Variants in CRADD observed in about 807,000 individuals in gnomAD.
The protein encoded by CRADD is CARD and death domain containing adaptor protein.
In CRADD, 9 loss-of-function variants were observed where a neutral mutation model predicts 15.5. The observed-to-expected ratio is 0.58, with a 90% CI of 0.35 to 1.01. The LOEUF is 1.01. Ranked by LOEUF, CRADD falls within the 50% of genes least tolerant of loss-of-function variation. The probability of loss-of-function intolerance (pLI) is 0.02; values close to 1 mark genes in which losing one functional copy is unlikely to be tolerated. For synonymous variants in CRADD, 118 were observed against 107.6 expected (o/e 1.10, Z -0.60); for missense variants, 227 against 250.3 (o/e 0.91, Z 0.63).
At chr12:93,757,348 G>A (rs1956902820) in intron 2 of CRADD, among the ~76,000 whole-genome samples, 1 of 152,186 alleles carries the variant, frequency 6.6e-6, no homozygotes, top group South Asian at 2.1e-4. Flanking sequence ...TGCTGCCTAT[G>A]TGGCTGCCCC....
At chr12:93,822,424 G>A (rs1374334793) in intron 2 of CRADD, among the ~76,000 whole-genome samples, 5 of 152,122 alleles carry the variant, frequency 3.3e-5, no homozygotes, top group South Asian at 2.1e-4. Flanking sequence ...CCCACATCCC[G>A]ATACTGCATC....
intron 1 of CRADD, 118 bp from the exon 2 acceptor site, chr12:93,678,651 G>T (rs772624699): frequency 2.9e-4 from 295 of 1,003,016 alleles, no homozygotes; most frequent in Non-Finnish European, 4.1e-4. Context: ...CCATGACCTG[G>T]CAGTCTGCTA....
At chr12:93,753,711 C>T (rs529590901) in intron 2 of CRADD, among the ~76,000 whole-genome samples, 1 of 152,270 alleles carries the variant, frequency 6.6e-6, no homozygotes, top group Admixed American at 6.5e-5. Flanking sequence ...CCATGTCTCA[C>T]ATCCAGGTCC....
intron 2 of CRADD, among the ~76,000 whole-genome samples, chr12:93,789,101 C>T (rs1957320531): frequency 6.6e-6 from 1 of 151,830 alleles, no homozygotes. Context: ...TCTCCCCTGC[C>T]CCATCTTTCT....
intron 2 of CRADD, among the ~76,000 whole-genome samples, chr12:93,728,699 G>A (rs1033271631): frequency 5.9e-5 from 9 of 152,058 alleles, no homozygotes; most frequent in African/African-American, 2.2e-4. Flanking sequence ...ACCAAAACTT[G>A]ACAAAGGCAC....
intron 2 of CRADD, among the ~76,000 whole-genome samples, chr12:93,882,188 G>A (rs1053269118): frequency 4.6e-5 from 7 of 152,106 alleles, no homozygotes; most frequent in Admixed American, 1.3e-4. Flanking sequence ...TTGGGAGGCC[G>A]AGGTGGGTGG....
rs144241828 is a variant in CRADD at position 93,790,526 on chromosome 12, G to A, written c.299-59444G>A. ...TCTGCATACTTGTGTGTATATTTTC[G>A]CTGGTCTCAAATTTCTATTTATTTA... On this transcript the variant is annotated intron_variant, in intron 2 of 2. Transcript: ENST00000332896. Among the ~76,000 whole-genome samples, 870 of 151,234 alleles carry A rather than the reference G, an allele frequency of 5.8e-3. 7 individuals are homozygous for A. The highest frequency in any genetic ancestry group is 0.02 in the African/African-American group (817 of 41,278).
chr12:93,856,004 C>T (rs539940228), intron 2 of CRADD, among the ~76,000 whole-genome samples: 3 of 152,208 alleles, frequency 2.0e-5, no homozygotes, highest in South Asian at 2.1e-4. Flanking sequence ...GACGGGGTTT[C>T]GCCATACTGG....
intron 2 of CRADD, chr12:93,893,919 AT>A: frequency 8.0e-6 from 5 of 622,168 alleles, no homozygotes; most frequent in Admixed American, 2.7e-5. Flanking sequence ...AAAAAAAAAA[AT>A]AAGCACTAGA....
chr12:93,765,402 GCT>G (rs1565905547), intron 2 of CRADD, among the ~76,000 whole-genome samples: 1 of 152,170 alleles, frequency 6.6e-6, no homozygotes, highest in Non-Finnish European at 1.5e-5. Context: ...GATCCACGCA[GCT>G]CTCTGTGAAG....
At chr12:93,733,635 T>C (rs995847212) in intron 2 of CRADD, 5 of 152,438 alleles carry the variant, frequency 3.3e-5, no homozygotes, top group Non-Finnish European at 7.3e-5. Flanking sequence ...ATTGAGTTCC[T>C]GGGGAGGCTG....
downstream of CRADD, among the ~76,000 whole-genome samples, chr12:93,851,931 T>C (rs762261220): frequency 3.9e-5 from 6 of 152,244 alleles, no homozygotes; most frequent in Non-Finnish European, 8.8e-5. Flanking sequence ...TCAGGCATCT[T>C]GTAACCATAT....
At chr12:93,711,802 T>C (rs772757620) in intron 2 of CRADD, among the ~76,000 whole-genome samples, 20 of 151,732 alleles carry the variant, frequency 1.3e-4, no homozygotes, top group Non-Finnish European at 2.6e-4. Context: ...GTCCCCCAGG[T>C]TGGAGTGCAG....
At chr12:93,890,736 T>C (rs904579383) in intron 2 of CRADD, among the ~76,000 whole-genome samples, 2 of 151,764 alleles carry the variant, frequency 1.3e-5, no homozygotes, top group African/African-American at 4.8e-5. Context: ...TTTTCTTTTG[T>C]TGTTGTTGCT....
intron 2 of CRADD, among the ~76,000 whole-genome samples, chr12:93,847,042 G>A (rs1353690793): frequency 6.6e-6 from 1 of 152,210 alleles, no homozygotes; most frequent in Admixed American, 6.5e-5. Context: ...GGCAGAGCTT[G>A]CAGTGAGCTG....
chr12:93,878,127 G>A (rs1163217800), intron 2 of CRADD, among the ~76,000 whole-genome samples: 1 of 152,172 alleles, frequency 6.6e-6, no homozygotes, highest in Non-Finnish European at 1.5e-5. Context: ...GAGTAAGTAT[G>A]GGAAGAGAAC....
At chr12:93,877,870 G>A (rs1958468050) in intron 2 of CRADD, among the ~76,000 whole-genome samples, 1 of 152,134 alleles carries the variant, frequency 6.6e-6, no homozygotes, top group African/African-American at 2.4e-5. Flanking sequence ...TACCTAAGTT[G>A]CAAGACAGAG....
chr12:93,735,092 T>C (rs1196219380), intron 2 of CRADD, among the ~76,000 whole-genome samples: 4 of 152,184 alleles, frequency 2.6e-5, no homozygotes, highest in Non-Finnish European at 5.9e-5. Context: ...TTTTCACCGC[T>C]GTTTCCCTGG....
intron 2 of CRADD, among the ~76,000 whole-genome samples, chr12:93,893,258 C>A (rs2137081595): frequency 6.6e-6 from 1 of 152,280 alleles, no homozygotes; most frequent in African/African-American, 2.4e-5. Flanking sequence ...TTCTATAGGG[C>A]TGTGGTGGTT....
Sources: allele counts gnomAD v4.1 joint callset (sites outside exome capture counted in the v4.1 genomes callset), GRCh38; gene constraint gnomAD v4.1.1; transcripts MANE v1.5; gene names NCBI Gene and HGNC (gene_info 2026-07-23, HGNC 2026-07-21).